Variants in IL1RAP observed in about 807,000 individuals in gnomAD.
IL1RAP encodes interleukin-1 receptor accessory protein.
IL1RAP carries 35 observed loss-of-function variants against 60.7 expected under a neutral mutation model. The observed-to-expected ratio is 0.58, with a 90% CI of 0.44 to 0.76. IL1RAP has a LOEUF of 0.76. IL1RAP is among the 30% of genes least tolerant of loss of function. IL1RAP has a pLI of 0.00. For missense variants in IL1RAP, 572 were observed against 693.9 expected, an observed-to-expected ratio of 0.82 and a Z score of 1.97; for synonymous variants, 268 against 250.9, an observed-to-expected ratio of 1.07 and a Z score of -0.64.
At chr3:190,528,980 T>A (rs1184385916) in intron 1 of IL1RAP, among the ~76,000 whole-genome samples, 1 of 152,076 alleles carries the variant, frequency 6.6e-6, no homozygotes, top group Non-Finnish European at 1.5e-5. Context: ...GGGCAGGATA[T>A]TTGGGAGATG....
At chr3:190,586,950 A>AAG (rs1222288883) in intron 3 of IL1RAP, among the ~76,000 whole-genome samples, 2 of 152,168 alleles carry the variant, frequency 1.3e-5, no homozygotes, top group Non-Finnish European at 2.9e-5. Flanking sequence ...TTTTTCATGA[A>AAG]AGAGTCTCAC....
At chr3:190,605,181 C>G (rs530684463) in intron 4 of IL1RAP, among the ~76,000 whole-genome samples, 2 of 152,264 alleles carry the variant, frequency 1.3e-5, no homozygotes, top group East Asian at 3.9e-4. Context: ...AATACCATAT[C>G]TCTGGCAATC....
chr3:190,522,949 A>G (rs1722215800), intron 1 of IL1RAP, among the ~76,000 whole-genome samples: 1 of 152,084 alleles, frequency 6.6e-6, no homozygotes, highest in African/African-American at 2.4e-5. Flanking sequence ...CCCTCAGTGT[A>G]AACCTAAGGA....
intron 7 of IL1RAP, among the ~76,000 whole-genome samples, chr3:190,623,808 G>A (rs1186187272): frequency 1.3e-5 from 2 of 152,208 alleles, no homozygotes; most frequent in Non-Finnish European, 2.9e-5. Context: ...GCAAGACTGT[G>A]AATATAATAG....
rs1230762948 is a variant in IL1RAP, at chr3:190,518,063, T to C, written c.-89+3844T>C. ...GATATTTCGGTGGATAAATTCAGGTTAGCCATTCATTTGCTGCCTTTTTTT... is the reference window on the plus strand; with the variant it reads ...GATATTTCGGTGGATAAATTCAGGTCAGCCATTCATTTGCTGCCTTTTTTT... On this transcript the variant is annotated intron_variant, in intron 1 of 11. Coordinates refer to ENST00000447382, the MANE Select transcript of IL1RAP (RefSeq NM_002182.4). 6 of 149,738 alleles carry C rather than the reference T, an allele frequency of 4.0e-5. No individual in the cohort carries two copies. In the South Asian group the frequency reaches 1.3e-3, roughly 31 times the overall value. 9.3% of individuals were successfully genotyped at this position (149,738 alleles called of 1,614,324 possible). A position where few individuals can be genotyped will look rare whatever the true frequency, so the allele number is the denominator to read the frequency against.
chr3:190,523,060 C>T (rs1043653068), intron 1 of IL1RAP, among the ~76,000 whole-genome samples: 2 of 152,124 alleles, frequency 1.3e-5, no homozygotes, highest in Non-Finnish European at 2.9e-5. Flanking sequence ...ACTGTATAAG[C>T]CAGTCTTTGA....
In IL1RAP at chr3:190,620,351, C is replaced by G; in HGVS notation, c.614C>G (p.Ser205Ter). Residue 205 changes from serine (S) to a stop codon, truncating the protein, a stop_gained, in exon 6 of 12, where the codon TCA becomes TGA. Coordinates refer to ENST00000447382, the MANE Select transcript of IL1RAP (RefSeq NM_002182.4). LOFTEE classifies it high-confidence loss of function. Reference sequence around the variant, plus strand: ...TTGAGTTTCCTCATTGCCTTAATTTCAAATAATGGAAATTACACATGTGTT... The same window carrying G: ...TTGAGTTTCCTCATTGCCTTAATTTGAAATAATGGAAATTACACATGTGTT... ...MNLSFLIALI[S>*]NNGNYTCVVT... 1 of 1,609,194 alleles carries G rather than the reference C, an allele frequency of 6.2e-7. No homozygotes were observed. The highest frequency in any genetic ancestry group is 8.5e-7 in the Non-Finnish European group (1 of 1,177,042).
chr3:190,609,971 T>C (rs959272242), intron 5 of IL1RAP, among the ~76,000 whole-genome samples: 1 of 152,044 alleles, frequency 6.6e-6, no homozygotes, highest in Non-Finnish European at 1.5e-5. Context: ...GACCAGGAGC[T>C]GAAATTGGGA....
chr3:190,514,335 A>T (rs1180871633), intron 1 of IL1RAP, 116 bp downstream of exon 1: 2 of 152,442 alleles, frequency 1.3e-5, no homozygotes, highest in Non-Finnish European at 2.9e-5. Context: ...GAGGAAACTG[A>T]GGCACAGAAC....
intron 2 of IL1RAP, among the ~76,000 whole-genome samples, chr3:190,558,988 G>A (rs970361082): frequency 2.0e-5 from 3 of 152,174 alleles, no homozygotes; most frequent in East Asian, 1.9e-4. Flanking sequence ...TTAGGGTTTC[G>A]TAAGGCTGAA....
At chr3:190,634,172 C>T (rs1733007052) in intron 9 of IL1RAP, among the ~76,000 whole-genome samples, 1 of 151,986 alleles carries the variant, frequency 6.6e-6, no homozygotes, top group African/African-American at 2.4e-5. Context: ...AAATGTTCAT[C>T]CAATTTTGCA....
At chr3:190,566,112 G>T (rs1210707667) in intron 3 of IL1RAP, among the ~76,000 whole-genome samples, 1 of 151,140 alleles carries the variant, frequency 6.6e-6, no homozygotes, top group African/African-American at 2.4e-5. Flanking sequence ...CTCTGTCTTG[G>T]ATTTTAAGCT....
intron 3 of IL1RAP, among the ~76,000 whole-genome samples, chr3:190,590,257 C>CTT (rs1403184229): frequency 2.8e-5 from 4 of 144,092 alleles, no homozygotes; most frequent in East Asian, 4.0e-4. Context: ...TCTTCTTCTT[C>CTT]TTTTTTTTTT....
chr3:190,515,145 A>T (rs577146095), intron 1 of IL1RAP, among the ~76,000 whole-genome samples: 2 of 151,128 alleles, frequency 1.3e-5, no homozygotes, highest in South Asian at 2.1e-4. Context: ...TTGAGTTTTG[A>T]CTCCAGCTCT....
intron 9 of IL1RAP, among the ~76,000 whole-genome samples, chr3:190,635,871 A>G (rs936146319): frequency 1.3e-5 from 2 of 152,166 alleles, no homozygotes; most frequent in African/African-American, 2.4e-5. Flanking sequence ...TTTGTTCTAG[A>G]TAGACCTGGG....
At chr3:190,522,727 T>A (rs1439896502) in intron 1 of IL1RAP, among the ~76,000 whole-genome samples, 1 of 152,122 alleles carries the variant, frequency 6.6e-6, no homozygotes, top group South Asian at 2.1e-4. Context: ...ATATTTACCT[T>A]AAAATATCTC....
At chr3:190,633,750 C>A (rs1732979274) in intron 9 of IL1RAP, among the ~76,000 whole-genome samples, 1 of 152,086 alleles carries the variant, frequency 6.6e-6, no homozygotes, top group African/African-American at 2.4e-5. Flanking sequence ...ACCTTTTGAA[C>A]TTTAGGGTGG....
Position 190,650,960 on chromosome 3 carries a change from A to G in IL1RAP, c.*2255A>G. On this transcript the variant is annotated 3_prime_UTR_variant, in exon 12 of 12. Coordinates refer to ENST00000447382, the MANE Select transcript of IL1RAP (RefSeq NM_002182.4). ...GTTGGGCACCCCTAGAAATACCTTG[A>G]TGTTTTTTCTATTTATATGCCTGCC... 1.0e-6 allele frequency: 1 copy of G among 985,354 alleles called. No individual in the cohort carries two copies. The highest frequency in any genetic ancestry group is 1.2e-6 in the Non-Finnish European group (1 of 829,882). The allele number at this position is 985,354 out of a possible 1,614,324, so 61.0% of individuals were successfully genotyped here.
intron 1 of IL1RAP, among the ~76,000 whole-genome samples, chr3:190,524,301 G>C (rs537099633): frequency 6.6e-6 from 1 of 152,104 alleles, no homozygotes; most frequent in South Asian, 2.1e-4. Flanking sequence ...CCATTCTGTA[G>C]GTTTTCTCTT....
Sources: gnomAD v4.1 joint callset for allele counts (sites outside exome capture counted in the v4.1 genomes callset) on GRCh38, gnomAD v4.1.1 for gene constraint, MANE v1.5 for transcripts, NCBI Gene and HGNC (gene_info 2026-07-23, HGNC 2026-07-21) for gene names.